The following NSUN4 variants were observed in gnomAD, a reference collection of about 807,000 sequenced individuals.
The protein encoded by NSUN4 is 5-cytosine rRNA methyltransferase NSUN4.
NSUN4 carries 31 observed loss-of-function variants against 43.8 expected under a neutral mutation model. The ratio of observed to expected loss-of-function variants is 0.71; its 90% CI spans 0.53 to 0.96. The LOEUF is 0.96. Among genes scored for constraint, NSUN4 ranks in the 40% least tolerant of loss-of-function variants. The pLI is 0.00. For synonymous variants in NSUN4, 167 were observed against 184.1 expected (o/e 0.91, Z 0.75); for missense variants, 439 against 475.6 (o/e 0.92, Z 0.72).
At chr1:46,348,352 G>A (rs181280734) in intron 3 of NSUN4, among the ~76,000 whole-genome samples, 17 of 152,286 alleles carry the variant, frequency 1.1e-4, no homozygotes, top group Admixed American at 9.8e-4. Context: ...CACAGCATGG[G>A]TATCGCCCTT....
At chr1:46,346,859 C>T in intron 2 of NSUN4, 62 bp from the exon 3 acceptor site, 1 of 1,450,440 alleles carries the variant, frequency 6.9e-7, no homozygotes, top group Non-Finnish European at 9.5e-7. Flanking sequence ...ACTTGGTGGC[C>T]TAGACTCCCA....
intron 4 of NSUN4, among the ~76,000 whole-genome samples, chr1:46,359,746 A>G (rs1663677628): frequency 6.6e-6 from 1 of 151,888 alleles, no homozygotes; most frequent in Admixed American, 6.6e-5. Context: ...CTGGGACTAC[A>G]GGTGCATGCC....
At chr1:46,360,249 A>AAAAAAAAAAAATATATATAT (rs1553177947) in intron 4 of NSUN4, among the ~76,000 whole-genome samples, 11 of 25,762 alleles carry the variant, frequency 4.3e-4, no homozygotes, top group Non-Finnish European at 7.9e-4. Context: ...AAAAAAAAAA[A>AAAAAAAAAAAATATATATAT]ATATATATAT....
At chr1:46,340,967 TCTC>T in intron 1 of NSUN4, 48 bp downstream of exon 1, 1 of 1,506,728 alleles carries the variant, frequency 6.6e-7, no homozygotes, top group Non-Finnish European at 9.1e-7. Context: ...GGTGGAAACT[TCTC>T]CAGTCTTTCC....
the NSUN4 span, among the ~76,000 whole-genome samples, chr1:46,383,373 A>G: frequency 6.6e-6 from 1 of 151,028 alleles, no homozygotes; most frequent in Non-Finnish European, 1.5e-5. Context: ...CAGGAAAGAT[A>G]CTGCTACAGG....
chr1:46,348,231 CCAGT>C (rs928550360), intron 3 of NSUN4, among the ~76,000 whole-genome samples: 2 of 152,160 alleles, frequency 1.3e-5, no homozygotes, highest in Non-Finnish European at 2.9e-5. Flanking sequence ...TCCTGCCTGC[CCAGT>C]CATCCTTTTG....
chr1:46,347,506 T>G (rs1234353896), intron 3 of NSUN4, among the ~76,000 whole-genome samples: 2 of 152,188 alleles, frequency 1.3e-5, no homozygotes, highest in East Asian at 3.8e-4. Flanking sequence ...TAGTACTTAC[T>G]TTCTAAGCTT....
At chr1:46,347,149 T>C in intron 3 of NSUN4, 74 bp downstream of exon 3, 1 of 1,497,686 alleles carries the variant, frequency 6.7e-7, no homozygotes, top group South Asian at 1.3e-5. Context: ...TTTAATATGG[T>C]AGGTTCGGCC....
chr1:46,349,359 C>T (rs1439761611), intron 3 of NSUN4, among the ~76,000 whole-genome samples: 1 of 151,998 alleles, frequency 6.6e-6, no homozygotes, highest in Non-Finnish European at 1.5e-5. Context: ...CCAGGATGGT[C>T]TTGATCTCCT....
chr1:46,341,005 A>G (rs1310861053), intron 1 of NSUN4, 86 bp downstream of exon 1: 4 of 1,320,468 alleles, frequency 3.0e-6, no homozygotes, highest in Non-Finnish European at 4.2e-6. Flanking sequence ...TAGAACGCCT[A>G]GCGTCTTTCC....
At chr1:46,368,855 C>A (rs534186158), downstream of NSUN4, among the ~76,000 whole-genome samples, 48 of 152,222 alleles carry the variant, frequency 3.2e-4, no homozygotes, top group Non-Finnish European at 5.9e-4. Context: ...AAGTTTGAGA[C>A]CAGCCTGAGC....
At position 46,341,313 on chromosome 1, in the gene NSUN4, G is replaced by C. The variant is rs1662087416; in HGVS notation, c.93+394G>C. ...CCACATGACTTCTCCTTTCCTCATT[G>C]ATTTTCCAGCCCGGTCGCCCTCACC... On this transcript the variant is annotated intron_variant, in intron 1 of 5. Transcript: ENST00000474844. 6.1e-6 allele frequency: 6 copies of C among 981,300 alleles called. No homozygotes were observed. In the South Asian group the frequency reaches 1.3e-4, roughly 21 times the overall value. The allele number at this position is 981,300 out of a possible 1,614,324, so 60.8% of individuals were successfully genotyped here. A position where few individuals can be genotyped will look rare whatever the true frequency, so the allele number is the denominator to read the frequency against.
chr1:46,350,959 A>G (rs763162218), intron 3 of NSUN4, among the ~76,000 whole-genome samples: 1 of 152,236 alleles, frequency 6.6e-6, no homozygotes, highest in Non-Finnish European at 1.5e-5. Context: ...AAAGAGACTC[A>G]TTTCATCTCC....
At chr1:46,343,350 C>T (rs962604073) in intron 1 of NSUN4, 13 of 399,938 alleles carry the variant, frequency 3.3e-5, no homozygotes, top group East Asian at 1.4e-4. Context: ...CCCCCGAGTC[C>T]GGGCCTACCC....
chr1:46,366,180 C>T (rs928605398), downstream of NSUN4, among the ~76,000 whole-genome samples: 8 of 152,048 alleles, frequency 5.3e-5, no homozygotes, highest in South Asian at 2.1e-4. Flanking sequence ...CTTGATACCT[C>T]GTTGTGGTCC....
intron 1 of NSUN4, chr1:46,343,224 A>T (rs920627495): frequency 1.8e-5 from 7 of 383,422 alleles, no homozygotes; most frequent in African/African-American, 2.3e-5. Flanking sequence ...CACCTATAGC[A>T]CTCCCAGGGG....
chr1:46,341,848 G>A (rs781027511), intron 1 of NSUN4: 111 of 1,232,672 alleles, frequency 9.0e-5, no homozygotes, highest in Admixed American at 1.3e-4. Flanking sequence ...TCCAGAATGC[G>A]GCGTCCCTGT....
At chr1:46,353,903 A>G (rs1282410108) in intron 4 of NSUN4, among the ~76,000 whole-genome samples, 1 of 152,124 alleles carries the variant, frequency 6.6e-6, no homozygotes, top group Non-Finnish European at 1.5e-5. Context: ...ATAACAGTTT[A>G]CATCCATTTA....
intron 4 of NSUN4, among the ~76,000 whole-genome samples, chr1:46,357,858 G>A (rs1405801516): frequency 6.6e-6 from 1 of 152,038 alleles, no homozygotes; most frequent in African/African-American, 2.4e-5. Context: ...TTTCATTGCT[G>A]ACTTAAGCAA....
Sources: gnomAD v4.1 joint callset for allele counts (sites outside exome capture counted in the v4.1 genomes callset) on GRCh38, gnomAD v4.1.1 for gene constraint, MANE v1.5 for transcripts, NCBI Gene and HGNC (gene_info 2026-07-23, HGNC 2026-07-21) for gene names.